The following RORB variants were observed in gnomAD, a reference collection of about 807,000 sequenced individuals.
RORB encodes the protein RAR related orphan receptor B, also known as nuclear receptor ROR-beta.
RORB carries 6 observed loss-of-function variants against 59.1 expected under a neutral mutation model. The ratio of observed to expected loss-of-function variants is 0.10; its 90% CI spans 0.06 to 0.20. The LOEUF (loss-of-function observed/expected upper bound fraction) is 0.20. RORB is among the 10% of genes least tolerant of loss of function. The pLI is 1.00. For synonymous variants in RORB, 215 were observed against 204.5 expected (o/e 1.05, Z -0.44); for missense variants, 320 against 560.5 (o/e 0.57, Z 4.33).
chr9:74,655,930 C>T (rs1449296108), intron 4 of RORB, among the ~76,000 whole-genome samples: 1 of 152,188 alleles, frequency 6.6e-6, no homozygotes, highest in African/African-American at 2.4e-5. Context: ...AGGAATGTGT[C>T]TGCAATTGCT....
chr9:74,566,614 T>A (rs986644517), intron 1 of RORB, among the ~76,000 whole-genome samples: 2 of 152,062 alleles, frequency 1.3e-5, no homozygotes. Flanking sequence ...CTGGCCAACA[T>A]GGTGAAACCC....
At chr9:74,559,779 T>C (rs894574389) in intron 1 of RORB, among the ~76,000 whole-genome samples, 1 of 152,142 alleles carries the variant, frequency 6.6e-6, no homozygotes, top group Non-Finnish European at 1.5e-5. Context: ...AACCTTCTCA[T>C]ACAGTAGATG....
intron 1 of RORB, among the ~76,000 whole-genome samples, chr9:74,553,975 C>A (rs1171527990): frequency 6.6e-6 from 1 of 152,138 alleles, no homozygotes; most frequent in African/African-American, 2.4e-5. Flanking sequence ...TGACCCACAG[C>A]GTCAGCATCA....
intron 1 of RORB, among the ~76,000 whole-genome samples, chr9:74,507,127 T>C (rs1179977383): frequency 1.3e-5 from 2 of 152,138 alleles, no homozygotes; most frequent in African/African-American, 4.8e-5. Context: ...AATGGACACA[T>C]ACAACCACTT....
rs1315472622 is a variant in RORB, at chr9:74,692,521, C to T, written c.*6903C>T. 1 of 152,170 alleles carries T rather than the reference C, an allele frequency of 6.6e-6. No homozygotes were observed. The highest frequency in any genetic ancestry group is 2.4e-5 in the African/African-American group (1 of 41,450). The allele number at this position is 152,170 out of a possible 1,614,324, so 9.4% of individuals were successfully genotyped here. On this transcript the variant is annotated 3_prime_UTR_variant, in exon 10 of 10. Coordinates refer to ENST00000376896, the MANE Select transcript of RORB (RefSeq NM_006914.4). ...TAAGTCCCGTGAAACCGTGGGCTGCCTGGGGCTTGGCTGTGCCCACTAACC... is the reference window on the plus strand; with the variant it reads ...TAAGTCCCGTGAAACCGTGGGCTGCTTGGGGCTTGGCTGTGCCCACTAACC...
At chr9:74,646,218 A>G (rs572012691) in intron 4 of RORB, among the ~76,000 whole-genome samples, 2 of 152,290 alleles carry the variant, frequency 1.3e-5, no homozygotes, top group South Asian at 4.2e-4. Context: ...AAATGTATGC[A>G]ACTAGGTCAT....
At position 74,611,543 on chromosome 9, in the gene RORB, G is replaced by C. The variant is rs547106938; in HGVS notation, c.8-18739G>C. On this transcript the variant is annotated intron_variant, in intron 1 of 9. Transcript: ENST00000376896. Reference sequence around the variant, plus strand: ...GCCATCGATGTAAAACACAAGTTAGGGGAAATCATGAGAGTAGGCGGTGAG... The same window carrying C: ...GCCATCGATGTAAAACACAAGTTAGCGGAAATCATGAGAGTAGGCGGTGAG... Among the ~76,000 whole-genome samples, 15 of 152,272 alleles carry C rather than the reference G, an allele frequency of 9.9e-5. No individual in the cohort carries two copies. In the East Asian group the frequency reaches 2.1e-3, roughly 22 times the overall value.
chr9:74,528,159 A>T (rs1454272992), intron 1 of RORB, among the ~76,000 whole-genome samples: 1 of 151,978 alleles, frequency 6.6e-6, no homozygotes, highest in Admixed American at 6.6e-5. Flanking sequence ...GATCAGAGAG[A>T]CCTTGAAGGA....
At chr9:74,620,325 T>C (rs1318313131) in intron 1 of RORB, among the ~76,000 whole-genome samples, 2 of 152,230 alleles carry the variant, frequency 1.3e-5, no homozygotes, top group Non-Finnish European at 2.9e-5. Flanking sequence ...CTAGTTTATT[T>C]GCGTAGAGGT....
At chr9:74,569,126 A>C (rs1431691983) in intron 1 of RORB, among the ~76,000 whole-genome samples, 1 of 152,098 alleles carries the variant, frequency 6.6e-6, no homozygotes, top group Non-Finnish European at 1.5e-5. Flanking sequence ...CAGTCACCAG[A>C]CACAAATGAA....
chr9:74,672,186 G>T (rs1400805586), intron 9 of RORB, among the ~76,000 whole-genome samples: 1 of 152,162 alleles, frequency 6.6e-6, no homozygotes, highest in Admixed American at 6.5e-5. Flanking sequence ...AGCACTCAAA[G>T]CAAGGAAACA....
chr9:74,629,469 T>C (rs1279836788), intron 1 of RORB, among the ~76,000 whole-genome samples: 3 of 151,828 alleles, frequency 2.0e-5, no homozygotes, highest in African/African-American at 7.3e-5. Context: ...CAATCCACAA[T>C]CATCCCAGGC....
chr9:74,621,688 A>G (rs896743204), intron 1 of RORB, among the ~76,000 whole-genome samples: 9 of 152,198 alleles, frequency 5.9e-5, no homozygotes, highest in African/African-American at 1.9e-4. Context: ...TGGGTGTACC[A>G]TTTTGCATTC....
chr9:74,673,650 T>C (rs1170691786), intron 9 of RORB, among the ~76,000 whole-genome samples: 1 of 152,180 alleles, frequency 6.6e-6, no homozygotes, highest in Non-Finnish European at 1.5e-5. Context: ...CGAAAGATAT[T>C]TGAAGGCAAG....
chr9:74,566,794 T>C (rs1822476393), intron 1 of RORB, among the ~76,000 whole-genome samples: 1 of 152,038 alleles, frequency 6.6e-6, no homozygotes, highest in African/African-American at 2.4e-5. Context: ...AGATTCCATC[T>C]CAAAAAAATA....
intron 4 of RORB, among the ~76,000 whole-genome samples, chr9:74,643,877 G>C (rs1449167891): frequency 6.6e-6 from 1 of 152,194 alleles, no homozygotes; most frequent in African/African-American, 2.4e-5. Flanking sequence ...TTAAGCTGGA[G>C]CAAGTTTCTC....
intron 1 of RORB, among the ~76,000 whole-genome samples, chr9:74,511,427 TTTC>T (rs1331808457): frequency 7.2e-5 from 11 of 151,966 alleles, no homozygotes; most frequent in Non-Finnish European, 1.6e-4. Context: ...TAGAAACTAT[TTTC>T]TTCTTCTTTT....
intron 9 of RORB, 108 bp from the exon 10 acceptor site, chr9:74,685,355 T>A: frequency 1.1e-6 from 1 of 879,254 alleles, no homozygotes. Flanking sequence ...GAACATCTTT[T>A]TCCAAAGCCT....
At chr9:74,573,406 C>T (rs142694507) in intron 1 of RORB, among the ~76,000 whole-genome samples, 36 of 149,504 alleles carry the variant, frequency 2.4e-4, no homozygotes, top group South Asian at 1.5e-3. Context: ...GGCCAGGAAG[C>T]ACTGCATTCC....
Sources: allele counts gnomAD v4.1 joint callset (sites outside exome capture counted in the v4.1 genomes callset), GRCh38; gene constraint gnomAD v4.1.1; transcripts MANE v1.5; gene names NCBI Gene and HGNC (gene_info 2026-07-23, HGNC 2026-07-21).